Variants in ARHGAP10 observed in about 807,000 individuals in gnomAD.
ARHGAP10 encodes Rho GTPase activating protein 10.
ARHGAP10 carries 87 observed loss-of-function variants against 108.6 expected under a neutral mutation model. The ratio of observed to expected loss-of-function variants is 0.80; its 90% CI spans 0.67 to 0.96. ARHGAP10 has a LOEUF of 0.96. Ranked by LOEUF, ARHGAP10 falls within the 40% of genes least tolerant of loss-of-function variation. The probability of loss-of-function intolerance (pLI) is 0.00; values close to 1 mark genes in which losing one functional copy is unlikely to be tolerated. For missense variants in ARHGAP10, 939 were observed against 954.5 expected, an observed-to-expected ratio of 0.98 and a Z score of 0.21; for synonymous variants, 347 against 341.1, an observed-to-expected ratio of 1.02 and a Z score of -0.19.
At chr4:148,061,190 C>A (rs1444529310) in intron 20 of ARHGAP10, among the ~76,000 whole-genome samples, 1 of 151,740 alleles carries the variant, frequency 6.6e-6, no homozygotes, top group Admixed American at 6.6e-5. Flanking sequence ...AGTGTAGTCA[C>A]ATAGTTACTT....
intron 18 of ARHGAP10, 193 bp from the exon 19 acceptor site, chr4:148,023,070 G>T (rs557512512): frequency 3.9e-5 from 20 of 506,852 alleles, no homozygotes; most frequent in Non-Finnish European, 6.5e-5. Context: ...TTTAATCAGA[G>T]ATTTTATTTT....
In ARHGAP10 at chr4:147,962,898, G is replaced by A. The variant is rs111348284; in HGVS notation, c.1451-2126G>A. Reference sequence around the variant, plus strand: ...CTGGTCTTGAACTCCTGACCTCAAGGGATCTGCCTGCCTCGGCCTCCCAAA... The same window carrying A: ...CTGGTCTTGAACTCCTGACCTCAAGAGATCTGCCTGCCTCGGCCTCCCAAA... On this transcript the variant is annotated intron_variant, in intron 16 of 22. Transcript: ENST00000336498. 3.9e-5 allele frequency among the ~76,000 whole-genome samples: 6 copies of A among 152,098 alleles called. 2 individuals carry two copies. Among genetic ancestry groups the A allele is most frequent in the African/African-American group, 1.4e-4 (6 of 41,488 alleles).
chr4:147,984,437 C>A (rs999930057), intron 18 of ARHGAP10, among the ~76,000 whole-genome samples: 5 of 152,204 alleles, frequency 3.3e-5, no homozygotes, highest in Non-Finnish European at 7.3e-5. Flanking sequence ...TGTGGTGGTG[C>A]CACCTTTAGC....
chr4:147,877,886 A>C (rs114648412), intron 8 of ARHGAP10, among the ~76,000 whole-genome samples: 10 of 146,576 alleles, frequency 6.8e-5, no homozygotes, highest in African/African-American at 2.6e-4. Context: ...TTGGTTCTTA[A>C]GATTTTTTTA....
intron 18 of ARHGAP10, among the ~76,000 whole-genome samples, chr4:147,999,408 A>G (rs553014846): frequency 1.3e-5 from 2 of 152,292 alleles, no homozygotes; most frequent in East Asian, 1.9e-4. Context: ...CGTGTTTGTT[A>G]CAGCTGGAGC....
chr4:147,757,457 A>G (rs972337366), intron 1 of ARHGAP10, among the ~76,000 whole-genome samples: 2 of 152,164 alleles, frequency 1.3e-5, no homozygotes, highest in South Asian at 4.2e-4. Context: ...CGGCCTTCCA[A>G]AGTGCTCGGA....
At position 147,737,326 on chromosome 4, in the gene ARHGAP10, C is replaced by CTT. The variant is rs5862810; in HGVS notation, c.154+4887_154+4888dup. Reference sequence around the variant, plus strand: ...CCACCATGCCCAGCTAATTTTTGTACTTTTTTTTTTTTTTTTTGTAAAGAC... The same window carrying CTT: ...CCACCATGCCCAGCTAATTTTTGTACTTTTTTTTTTTTTTTTTTTGTAAAGAC... On this transcript the variant is annotated intron_variant, in intron 1 of 22. Transcript: ENST00000336498. Among the ~76,000 whole-genome samples, 1,062 of 133,008 alleles carry CTT rather than the reference C, an allele frequency of 8.0e-3. 11 individuals carry two copies. The highest frequency in any genetic ancestry group is 0.019 in the Middle Eastern group (5 of 268). The allele number at this position is 133,008 out of a possible 152,430, so 87.3% of individuals were successfully genotyped here.
At chr4:148,045,738 C>CAAAAAAAAAAAAAAAA (rs11363800) in intron 19 of ARHGAP10, among the ~76,000 whole-genome samples, 1 of 57,516 alleles carries the variant, frequency 1.7e-5, no homozygotes, top group African/African-American at 7.5e-5. Flanking sequence ...AACTCCATCT[C>CAAAAAAAAAAAAAAAA]AAAAAAAAAA....
chr4:147,753,247 A>T (rs768378823), intron 1 of ARHGAP10, among the ~76,000 whole-genome samples: 1 of 152,218 alleles, frequency 6.6e-6, no homozygotes, highest in African/African-American at 2.4e-5. Context: ...ATAAGGAAAC[A>T]TGAAACATGC....
chr4:147,733,130 G>A (rs1290127154), intron 1 of ARHGAP10, among the ~76,000 whole-genome samples: 6 of 152,138 alleles, frequency 3.9e-5, no homozygotes, highest in African/African-American at 1.4e-4. Flanking sequence ...AGCCTAGGCG[G>A]GCACTGCTTG....
chr4:148,058,990 G>A lies in ARHGAP10; in HGVS notation c.2028-4158G>A, dbSNP rs561040384. On this transcript the variant is annotated intron_variant, in intron 20 of 22. Transcript: ENST00000336498. ...TAAACACAGGAAATGCCTCCGTGGC[G>A]TCAGGAACAGTCAGGTAGACTTTCA... Among the ~76,000 whole-genome samples, 30 of 152,180 alleles carry A rather than the reference G, an allele frequency of 2.0e-4. 1 individual carries two copies. Among genetic ancestry groups the A allele is most frequent in the South Asian group, 4.1e-4 (2 of 4,828 alleles).
chr4:147,966,866 C>T, intron 18 of ARHGAP10, 27 bp downstream of exon 18: 2 of 1,529,890 alleles, frequency 1.3e-6, no homozygotes, highest in East Asian at 2.3e-5. Context: ...CTTTAAGAGA[C>T]TTTGTTTTCG....
At chr4:148,035,280 C>T (rs922863243) in intron 19 of ARHGAP10, among the ~76,000 whole-genome samples, 1 of 152,114 alleles carries the variant, frequency 6.6e-6, no homozygotes, top group African/African-American at 2.4e-5. Flanking sequence ...ATAAAATGTA[C>T]TTATTAAGTT....
chr4:147,971,559 G>A (rs1739406701), intron 18 of ARHGAP10, among the ~76,000 whole-genome samples: 1 of 152,190 alleles, frequency 6.6e-6, no homozygotes, highest in Non-Finnish European at 1.5e-5. Context: ...AATGGAGTTT[G>A]AACAGGTGGA....
At chr4:147,799,128 G>A (rs189710871) in intron 1 of ARHGAP10, among the ~76,000 whole-genome samples, 122 of 151,658 alleles carry the variant, frequency 8.0e-4, no homozygotes, top group African/African-American at 2.7e-3. Flanking sequence ...TCTGCCTCCC[G>A]GGTTCAAGCG....
intron 3 of ARHGAP10, among the ~76,000 whole-genome samples, chr4:147,824,127 C>T (rs1579085630): frequency 6.6e-6 from 1 of 152,248 alleles, no homozygotes; most frequent in Non-Finnish European, 1.5e-5. Flanking sequence ...CGAGACCAGC[C>T]TGGCCAACTT....
intron 20 of ARHGAP10, among the ~76,000 whole-genome samples, chr4:148,060,374 CA>C (rs1449765839): frequency 2.1e-5 from 3 of 143,940 alleles, no homozygotes; most frequent in Admixed American, 1.4e-4. Flanking sequence ...TTTGGCCTTC[CA>C]AAAAATATGG....
intron 18 of ARHGAP10, among the ~76,000 whole-genome samples, chr4:148,003,378 G>T (rs1740809926): frequency 6.6e-6 from 1 of 152,200 alleles, no homozygotes. Context: ...GTGCTGAGAA[G>T]AATTTATATT....
chr4:147,766,052 C>T (rs6839987), intron 1 of ARHGAP10, among the ~76,000 whole-genome samples: 113,498 of 151,956 alleles, frequency 0.75, 48,292 homozygotes, highest in Non-Finnish European at 0.93. Context: ...AGTCTGAGGC[C>T]GGTGGATCAC....
Sources: allele counts gnomAD v4.1 joint callset (sites outside exome capture counted in the v4.1 genomes callset), GRCh38; gene constraint gnomAD v4.1.1; transcripts MANE v1.5; gene names NCBI Gene and HGNC (gene_info 2026-07-23, HGNC 2026-07-21).